The following DAB1 variants were observed in gnomAD, a reference collection of about 807,000 sequenced individuals.
DAB1 encodes the protein DAB adaptor protein 1.
A neutral mutation model predicts 64.6 loss-of-function variants in DAB1; 15 were observed. The ratio of observed to expected loss-of-function variants is 0.23; its 90% CI spans 0.16 to 0.36. DAB1 has a LOEUF of 0.36. Ranked by LOEUF, DAB1 falls within the 10% of genes least tolerant of loss-of-function variation. The probability of loss-of-function intolerance (pLI) is 1.00; values close to 1 mark genes in which losing one functional copy is unlikely to be tolerated. For missense variants in DAB1, 596 were observed against 706.7 expected, an observed-to-expected ratio of 0.84 and a Z score of 1.78; for synonymous variants, 235 against 251.9, an observed-to-expected ratio of 0.93 and a Z score of 0.64.
intron 9 of DAB1, among the ~76,000 whole-genome samples, chr1:57,043,322 AC>A (rs1307361794): frequency 1.3e-5 from 2 of 152,218 alleles, no homozygotes; most frequent in Admixed American, 6.5e-5. Flanking sequence ...TATAAAGGCC[AC>A]CAACTCACAC....
chr1:57,040,183 A>G (rs1647561063), intron 9 of DAB1, among the ~76,000 whole-genome samples: 1 of 152,044 alleles, frequency 6.6e-6, no homozygotes, highest in African/African-American at 2.4e-5. Flanking sequence ...ACCCAACCCT[A>G]CATCGTGGGG....
chr1:57,407,205 G>A (rs1256376992), intron 1 of DAB1, among the ~76,000 whole-genome samples: 1 of 152,164 alleles, frequency 6.6e-6, no homozygotes, highest in African/African-American at 2.4e-5. Context: ...GTAGGATTTG[G>A]AGTAAACAAA....
intron 5 of DAB1, among the ~76,000 whole-genome samples, chr1:58,105,825 C>T (rs113415257): frequency 1.3e-5 from 2 of 152,336 alleles, no homozygotes; most frequent in African/African-American, 4.8e-5. Context: ...AAAGGCAATT[C>T]TGAGCCTCTC....
intron 7 of DAB1, among the ~76,000 whole-genome samples, chr1:57,540,286 C>T (rs573193315): frequency 1.3e-5 from 2 of 151,936 alleles, no homozygotes; most frequent in East Asian, 3.9e-4. Context: ...ATCAAAGAGA[C>T]AAAAAAATAA....
chr1:58,020,828 C>T (rs1322953744), intron 5 of DAB1, among the ~76,000 whole-genome samples: 1 of 152,072 alleles, frequency 6.6e-6, no homozygotes. Context: ...TGTAGTGAAA[C>T]CCCATCTCTA....
At chr1:58,215,005 T>G (rs532401571) in intron 4 of DAB1, among the ~76,000 whole-genome samples, 1 of 152,316 alleles carries the variant, frequency 6.6e-6, no homozygotes, top group South Asian at 2.1e-4. Flanking sequence ...GAGAAGTCAA[T>G]GAATCAAAGG....
chr1:57,919,314 G>C (rs1360353915), intron 5 of DAB1, among the ~76,000 whole-genome samples: 1 of 152,216 alleles, frequency 6.6e-6, no homozygotes, highest in African/African-American at 2.4e-5. Context: ...TGGGGATGTA[G>C]AGATAAAGAA....
chr1:57,194,305 C>G (rs1038342942), intron 2 of DAB1, among the ~76,000 whole-genome samples: 2 of 152,132 alleles, frequency 1.3e-5, no homozygotes, highest in Non-Finnish European at 2.9e-5. Flanking sequence ...GAGTTTGGGA[C>G]AAGTCTGTCT....
At chr1:57,212,359 C>CTTT (rs57653531) in intron 2 of DAB1, among the ~76,000 whole-genome samples, 13 of 82,174 alleles carry the variant, frequency 1.6e-4, no homozygotes, top group South Asian at 4.2e-4. Context: ...ATATTATTTC[C>CTTT]TTTTTTTTTT....
chr1:58,133,858 C>T (rs1653786965), intron 5 of DAB1, among the ~76,000 whole-genome samples: 1 of 152,216 alleles, frequency 6.6e-6, no homozygotes, highest in Non-Finnish European at 1.5e-5. Flanking sequence ...TAATGAGCAA[C>T]ATTGCCAATT....
chr1:57,470,285 T>A (rs1352065941), intron 7 of DAB1, among the ~76,000 whole-genome samples: 3 of 152,200 alleles, frequency 2.0e-5, no homozygotes, highest in African/African-American at 7.2e-5. Context: ...ATCTCAGGAA[T>A]GTTTTGCTTT....
At chr1:58,197,912 G>A (rs1434759595) in intron 4 of DAB1, among the ~76,000 whole-genome samples, 1 of 152,114 alleles carries the variant, frequency 6.6e-6, no homozygotes, top group African/African-American at 2.4e-5. Flanking sequence ...ATATTGCTTT[G>A]TACTTGAAAG....
intron 3 of DAB1, among the ~76,000 whole-genome samples, chr1:58,460,993 G>C (rs1291974448): frequency 6.6e-6 from 1 of 152,142 alleles, no homozygotes; most frequent in Non-Finnish European, 1.5e-5. Context: ...GTCAAGTAGA[G>C]TTACAGATTA....
At chr1:58,300,580 GAA>G (rs1415027112) in intron 4 of DAB1, among the ~76,000 whole-genome samples, 1 of 19,310 alleles carries the variant, frequency 5.2e-5, no homozygotes, top group African/African-American at 1.5e-4. Context: ...AAGAAAGAAA[GAA>G]AGAAAGAAAG....
chr1:57,410,879 A>G (rs986092180), intron 1 of DAB1, among the ~76,000 whole-genome samples: 1 of 152,222 alleles, frequency 6.6e-6, no homozygotes, highest in African/African-American at 2.4e-5. Context: ...TCCAGAAAAC[A>G]CAACGAAACA....
At chr1:57,212,359 C>CT (rs57653531) in intron 2 of DAB1, among the ~76,000 whole-genome samples, 1,999 of 82,184 alleles carry the variant, frequency 0.024, 196 homozygotes, top group African/African-American at 0.041. Context: ...ATATTATTTC[C>CT]TTTTTTTTTT....
intron 2 of DAB1, among the ~76,000 whole-genome samples, chr1:57,240,757 G>A (rs888853992): frequency 3.9e-5 from 6 of 152,104 alleles, no homozygotes; most frequent in African/African-American, 9.7e-5. Context: ...ATGCTACTAC[G>A]GAAATTAAAA....
intron 1 of DAB1, among the ~76,000 whole-genome samples, chr1:57,374,575 T>C (rs1680749259): frequency 6.6e-6 from 1 of 152,194 alleles, no homozygotes; most frequent in Non-Finnish European, 1.5e-5. Context: ...AATTAAGTGT[T>C]TAAGCTTCAA....
intron 4 of DAB1, among the ~76,000 whole-genome samples, chr1:58,182,480 CTATT>C (rs1303938862): frequency 6.6e-6 from 1 of 151,680 alleles, no homozygotes; most frequent in Non-Finnish European, 1.5e-5. Flanking sequence ...TCATCTTTCT[CTATT>C]TGTTTTCTGT....
Sources: allele counts gnomAD v4.1 joint callset (sites outside exome capture counted in the v4.1 genomes callset), GRCh38; gene constraint gnomAD v4.1.1; transcripts MANE v1.5; gene names NCBI Gene and HGNC (gene_info 2026-07-23, HGNC 2026-07-21).